Variants in ZNF138 observed in about 807,000 individuals in gnomAD.
ZNF138 encodes the protein zinc finger protein 138 (clone pHZ-32).
In ZNF138, 33 loss-of-function variants were observed where a neutral mutation model predicts 33.0. That is an observed-to-expected ratio of 1.00 (90% CI 0.76 to 1.34). The LOEUF is 1.34. ZNF138 is among the 40% of genes most tolerant of loss of function. ZNF138 has a pLI of 0.00. For missense variants in ZNF138, 360 were observed against 370.8 expected, an observed-to-expected ratio of 0.97 and a Z score of 0.24; for synonymous variants, 139 against 120.4, an observed-to-expected ratio of 1.15 and a Z score of -1.01.
At chr7:64,850,488 G>T in the ZNF138 span, among the ~76,000 whole-genome samples, 4 of 152,202 alleles carry the variant, frequency 2.6e-5, no homozygotes, top group Non-Finnish European at 5.9e-5. Flanking sequence ...CAGAAAAGGG[G>T]TTTTTAAATT....
chr7:64,825,153 T>C (rs1369168232), intron 3 of ZNF138, among the ~76,000 whole-genome samples: 4 of 119,832 alleles, frequency 3.3e-5, no homozygotes, highest in African/African-American at 1.3e-4. Flanking sequence ...TGTTGTATGC[T>C]CTTTTTTTTT....
At chr7:64,841,277 G>A in the ZNF138 span, among the ~76,000 whole-genome samples, 1 of 152,026 alleles carries the variant, frequency 6.6e-6, no homozygotes, top group South Asian at 2.1e-4. Flanking sequence ...TTTAATTGGA[G>A]AATTCTACAT....
At chr7:64,826,023 G>T (rs1789584541) in intron 3 of ZNF138, among the ~76,000 whole-genome samples, 1 of 151,616 alleles carries the variant, frequency 6.6e-6, no homozygotes, top group African/African-American at 2.4e-5. Context: ...TTTTTGTAGT[G>T]ATAGGGTTTT....
At chr7:64,804,739 C>T (rs1787437959) in intron 1 of ZNF138, among the ~76,000 whole-genome samples, 1 of 152,130 alleles carries the variant, frequency 6.6e-6, no homozygotes, top group Non-Finnish European at 1.5e-5. Context: ...TGAGATCGTG[C>T]CACTGCACTC....
intron 1 of ZNF138, among the ~76,000 whole-genome samples, chr7:64,796,115 A>T (rs1005754971): frequency 2.6e-5 from 4 of 152,218 alleles, no homozygotes; most frequent in African/African-American, 9.6e-5. Context: ...ATATGCTGGT[A>T]TTGAGGGGAG....
rs771924627 is a variant in ZNF138 at position 64,804,023 on chromosome 7, C to T, written c.3+9452C>T. Among the ~76,000 whole-genome samples, 45 of 152,130 alleles carry T rather than the reference C, an allele frequency of 3.0e-4. 1 individual carries two copies. Among genetic ancestry groups the T allele is most frequent in the Admixed American group, 1.7e-3 (26 of 15,262 alleles). On this transcript the variant is annotated intron_variant, in intron 1 of 3. Coordinates refer to ENST00000307355, the MANE Select transcript of ZNF138 (RefSeq NM_001271639.2). Reference sequence around the variant, plus strand: ...CCATGATGCAAGCTCAAATATATTCCACTATATTAACAAAGTCATATTCCA... The same window carrying T: ...CCATGATGCAAGCTCAAATATATTCTACTATATTAACAAAGTCATATTCCA...
chr7:64,795,192 A>G (rs1357692677), intron 1 of ZNF138, among the ~76,000 whole-genome samples: 1 of 152,214 alleles, frequency 6.6e-6, no homozygotes, highest in Non-Finnish European at 1.5e-5. Flanking sequence ...GGCAGTTTAC[A>G]GTTGGTTAAA....
intron 1 of ZNF138, among the ~76,000 whole-genome samples, chr7:64,798,778 CAA>C (rs75929259): frequency 7.8e-5 from 9 of 116,080 alleles, no homozygotes; most frequent in East Asian, 7.5e-4. Flanking sequence ...AACTCCGACT[CAA>C]AAAAAAAAAA....
the ZNF138 span, among the ~76,000 whole-genome samples, chr7:64,841,728 T>C: frequency 1.3e-5 from 2 of 152,248 alleles, no homozygotes; most frequent in African/African-American, 4.8e-5. Flanking sequence ...TTTCTCATTG[T>C]CTTCATGCCA....
chr7:64,835,713 C>G (rs763827383), downstream of ZNF138: 1 of 152,168 alleles, frequency 6.6e-6, no homozygotes, highest in South Asian at 2.1e-4. Context: ...CCTGTGCTAC[C>G]GAAGTGATCT....
rs568520028 is a variant in ZNF138, at chr7:64,826,129, A to G, written c.209-5322A>G. On this transcript the variant is annotated intron_variant, in intron 3 of 3. Coordinates refer to ENST00000307355, the MANE Select transcript of ZNF138 (RefSeq NM_001271639.2). Reference sequence around the variant, plus strand: ...TAGGATTAATTTCTTCCTATTGAATAGTTTAATTTATATTTAAATTGATTG... The same window carrying G: ...TAGGATTAATTTCTTCCTATTGAATGGTTTAATTTATATTTAAATTGATTG... 1.2e-4 allele frequency among the ~76,000 whole-genome samples: 19 copies of G among 152,180 alleles called. No homozygotes were observed. The South Asian group carries it at 3.9e-3, about 32-fold the overall frequency.
chr7:64,843,318 TAACCAATA>T, the ZNF138 span, among the ~76,000 whole-genome samples: 4 of 152,222 alleles, frequency 2.6e-5, no homozygotes, highest in African/African-American at 9.6e-5. Context: ...TTTGGATGTA[TAACCAATA>T]ATAAAATTGC....
At chr7:64,808,681 G>A (rs1401256877) in intron 1 of ZNF138, among the ~76,000 whole-genome samples, 1 of 149,280 alleles carries the variant, frequency 6.7e-6, no homozygotes, top group South Asian at 2.2e-4. Context: ...TGGAGGGAAG[G>A]TCAGCAGATA....
At chr7:64,812,855 T>G (rs1390495049) in intron 1 of ZNF138, among the ~76,000 whole-genome samples, 1 of 149,786 alleles carries the variant, frequency 6.7e-6, no homozygotes, top group Non-Finnish European at 1.5e-5. Flanking sequence ...ATTGCCTTTT[T>G]TTTTTTTTTT....
intron 1 of ZNF138, among the ~76,000 whole-genome samples, chr7:64,812,315 G>A (rs1190431175): frequency 7.1e-6 from 1 of 141,276 alleles, no homozygotes; most frequent in Non-Finnish European, 1.6e-5. Flanking sequence ...TTCACCACAC[G>A]CCCGGCTAAT....
At chr7:64,822,166 A>C (rs1354668531) in intron 3 of ZNF138, among the ~76,000 whole-genome samples, 1 of 147,416 alleles carries the variant, frequency 6.8e-6, no homozygotes, top group Non-Finnish European at 1.5e-5. Context: ...AGATCCACCC[A>C]CCTTGGCCTC....
chr7:64,853,048 A>C, the ZNF138 span: 8 of 1,476,372 alleles, frequency 5.4e-6, no homozygotes, highest in Non-Finnish European at 5.7e-6. Context: ...GGACATTGGC[A>C]CATGCTATCC....
chr7:64,817,293 C>T (rs1788725554), intron 3 of ZNF138, among the ~76,000 whole-genome samples: 1 of 152,182 alleles, frequency 6.6e-6, no homozygotes, highest in Non-Finnish European at 1.5e-5. Context: ...AGAGCAGGAC[C>T]TCTCCCAGAC....
At chr7:64,827,641 GA>G (rs1344934596) in intron 3 of ZNF138, among the ~76,000 whole-genome samples, 3 of 151,578 alleles carry the variant, frequency 2.0e-5, no homozygotes, top group African/African-American at 7.3e-5. Flanking sequence ...TTATTAGTTA[GA>G]TTTTTTTTAT....
Sources: allele counts gnomAD v4.1 joint callset (sites outside exome capture counted in the v4.1 genomes callset), GRCh38; gene constraint gnomAD v4.1.1; transcripts MANE v1.5; gene names NCBI Gene and HGNC (gene_info 2026-07-23, HGNC 2026-07-21).